The following PDE3B variants were observed in gnomAD, a reference collection of about 807,000 sequenced individuals.
The protein encoded by PDE3B is phosphodiesterase 3B, also known as cGMP-inhibited 3',5'-cyclic phosphodiesterase 3B.
A neutral mutation model predicts 116.8 loss-of-function variants in PDE3B; 66 were observed. That is an observed-to-expected ratio of 0.56 (90% CI 0.46 to 0.69). PDE3B has a LOEUF of 0.69. Ranked by LOEUF, PDE3B falls within the 30% of genes least tolerant of loss-of-function variation. The pLI is 0.00. For synonymous variants in PDE3B, 595 were observed against 533.6 expected, an observed-to-expected ratio of 1.12 and a Z score of -1.59; for missense variants, 1,384 against 1,368.1, an observed-to-expected ratio of 1.01 and a Z score of -0.18.
intron 5 of PDE3B, among the ~76,000 whole-genome samples, chr11:14,806,634 C>T (rs570454502): frequency 3.0e-4 from 46 of 151,484 alleles, no homozygotes; most frequent in Middle Eastern, 3.5e-3. Context: ...CCGAGGCGGG[C>T]GGATCACGAG....
At chr11:14,839,042 G>A (rs1860145138) in intron 11 of PDE3B, among the ~76,000 whole-genome samples, 1 of 152,144 alleles carries the variant, frequency 6.6e-6, no homozygotes, top group Non-Finnish European at 1.5e-5. Flanking sequence ...TCACAGTGGT[G>A]AGAAATATAT....
intron 14 of PDE3B, among the ~76,000 whole-genome samples, chr11:14,864,703 G>A (rs1484569888): frequency 1.3e-5 from 2 of 151,860 alleles, no homozygotes; most frequent in African/African-American, 4.8e-5. Flanking sequence ...ATGACTACTG[G>A]GTAAATAACG....
At chr11:14,859,336 TTAC>T (rs1300761218) in intron 13 of PDE3B, 90 bp downstream of exon 13, 5 of 806,046 alleles carry the variant, frequency 6.2e-6, no homozygotes, top group Non-Finnish European at 9.7e-6. Flanking sequence ...GTTAGAATTA[TTAC>T]TACTTAGGAA....
chr11:14,753,924 T>A (rs1379734720), intron 1 of PDE3B, among the ~76,000 whole-genome samples: 3 of 152,088 alleles, frequency 2.0e-5, no homozygotes, highest in Non-Finnish European at 4.4e-5. Context: ...CAATAAAATC[T>A]TATTGGCTTG....
At chr11:14,840,542 C>T (rs1359866311) in intron 11 of PDE3B, among the ~76,000 whole-genome samples, 2 of 152,208 alleles carry the variant, frequency 1.3e-5, no homozygotes, top group Non-Finnish European at 1.5e-5. Flanking sequence ...ATACCTCTTC[C>T]TTAATCCATA....
chr11:14,885,637 T>C, the PDE3B span: 6 of 914,608 alleles, frequency 6.6e-6, no homozygotes, highest in South Asian at 7.9e-5. Context: ...TGAAAGGTCC[T>C]CAAATACTAG....
intron 1 of PDE3B, among the ~76,000 whole-genome samples, chr11:14,687,675 G>A (rs1458848397): frequency 2.0e-5 from 3 of 152,100 alleles, no homozygotes; most frequent in Non-Finnish European, 2.9e-5. Context: ...TAAGATGATA[G>A]TTTACAGAGC....
At chr11:14,826,551 C>T (rs900920942) in intron 7 of PDE3B, among the ~76,000 whole-genome samples, 2 of 152,042 alleles carry the variant, frequency 1.3e-5, no homozygotes, top group Non-Finnish European at 2.9e-5. Context: ...CATAACCCCT[C>T]CCAAGACTGA....
intron 14 of PDE3B, 124 bp downstream of exon 14, chr11:14,861,490 AAATTGTT>A: frequency 2.4e-6 from 2 of 845,134 alleles, no homozygotes; most frequent in Non-Finnish European, 3.8e-6. Context: ...GAAGGGTTAA[AAATTGTT>A]GCATTTGCTT....
Position 14,810,157 on chromosome 11 carries a change from CA to C in PDE3B, c.1522+6108del, listed in dbSNP as rs542819059. On this transcript the variant is annotated intron_variant, in intron 5 of 15. Transcript: ENST00000282096. Reference sequence around the variant, plus strand: ...TAATAAAACCATTAAAAGTTGATAACATTTTTTTTTCTTTTATTTATTATTA... The same window carrying C: ...TAATAAAACCATTAAAAGTTGATAACTTTTTTTTTCTTTTATTTATTATTA... Among the ~76,000 whole-genome samples, 437 of 151,686 alleles carry C rather than the reference CA, an allele frequency of 2.9e-3. 2 individuals carry two copies. The highest frequency in any genetic ancestry group is 9.1e-3 in the African/African-American group (375 of 41,412).
intron 1 of PDE3B, among the ~76,000 whole-genome samples, chr11:14,748,275 A>T (rs905876040): frequency 8.5e-5 from 13 of 152,306 alleles, no homozygotes; most frequent in African/African-American, 2.9e-4. Flanking sequence ...GTTCTCTTGG[A>T]TATGTAGCTG....
chr11:14,879,593 T>C, the PDE3B span: 1 of 626,250 alleles, frequency 1.6e-6, no homozygotes, highest in South Asian at 1.9e-5. Flanking sequence ...CTGGGCGTTC[T>C]ATTGAAATAT....
At chr11:14,758,774 A>G (rs1378732048) in intron 1 of PDE3B, among the ~76,000 whole-genome samples, 1 of 151,608 alleles carries the variant, frequency 6.6e-6, no homozygotes, top group Non-Finnish European at 1.5e-5. Flanking sequence ...TCTCCTGCCT[A>G]ATTGTCCTGG....
Position 14,869,769 on chromosome 11 carries a change from C to A in PDE3B, c.*109C>A. ...CGGCTGACTCTCAACTGACCATTCC[C>A]ATGTGGACAGGCCTTAATACTGTGA... On this transcript the variant is annotated 3_prime_UTR_variant, in exon 16 of 16. Transcript: ENST00000282096. 2 of 836,374 alleles carry A rather than the reference C, an allele frequency of 2.4e-6. No individual in the cohort carries two copies. The highest frequency in any genetic ancestry group is 2.6e-5 in the East Asian group (1 of 38,040). The allele number at this position is 836,374 out of a possible 1,614,324, so 51.8% of individuals were successfully genotyped here.
chr11:14,708,815 A>G (rs537291222), intron 1 of PDE3B, among the ~76,000 whole-genome samples: 26 of 152,126 alleles, frequency 1.7e-4, no homozygotes, highest in African/African-American at 6.3e-4. Flanking sequence ...GTATGTTAAT[A>G]ATAAAACAAA....
chr11:14,721,863 C>G (rs1164858746), intron 1 of PDE3B, among the ~76,000 whole-genome samples: 2 of 129,998 alleles, frequency 1.5e-5, no homozygotes, highest in African/African-American at 6.0e-5. Flanking sequence ...CAGCATGGCA[C>G]ATGTATACAT....
At chr11:14,662,618 C>T (rs1315921132) in intron 1 of PDE3B, among the ~76,000 whole-genome samples, 3 of 152,122 alleles carry the variant, frequency 2.0e-5, no homozygotes, top group Non-Finnish European at 4.4e-5. Flanking sequence ...CTTAAAGGAG[C>T]TGATGGAGCT....
chr11:14,897,941 T>A, the PDE3B span, among the ~76,000 whole-genome samples: 1 of 152,182 alleles, frequency 6.6e-6, no homozygotes, highest in Non-Finnish European at 1.5e-5. Context: ...TTTTCATCTA[T>A]CATTTAACGA....
chr11:14,835,593 C>G (rs1860029546), intron 11 of PDE3B, among the ~76,000 whole-genome samples: 1 of 152,052 alleles, frequency 6.6e-6, no homozygotes, highest in South Asian at 2.1e-4. Context: ...AAAGTTAATG[C>G]TATTCCTTAT....
Sources: gnomAD v4.1 joint callset for allele counts (sites outside exome capture counted in the v4.1 genomes callset) on GRCh38, gnomAD v4.1.1 for gene constraint, MANE v1.5 for transcripts, NCBI Gene and HGNC (gene_info 2026-07-23, HGNC 2026-07-21) for gene names.